The following CCDC73 variants were observed in gnomAD, a reference collection of about 807,000 sequenced individuals.
CCDC73 encodes coiled-coil domain-containing protein 73.
Under a neutral mutation model 116.5 loss-of-function variants are expected in CCDC73, and 95 were observed. That is an observed-to-expected ratio of 0.82 (90% CI 0.69 to 0.97). The LOEUF (loss-of-function observed/expected upper bound fraction) is 0.97, where lower values mean the gene tolerates loss of function less well. Among genes scored for constraint, CCDC73 ranks in the 50% least tolerant of loss-of-function variants. CCDC73 has a pLI of 0.00. For missense variants in CCDC73, 1,066 were observed against 1,206.8 expected, an observed-to-expected ratio of 0.88 and a Z score of 1.73; for synonymous variants, 398 against 401.3, an observed-to-expected ratio of 0.99 and a Z score of 0.10.
chr11:32,685,796 A>G (rs1339819346), intron 6 of CCDC73, among the ~76,000 whole-genome samples: 1 of 137,224 alleles, frequency 7.3e-6, no homozygotes, highest in East Asian at 2.1e-4. Context: ...ATCTCAGCTC[A>G]CTGCAACCTC....
intron 9 of CCDC73, among the ~76,000 whole-genome samples, chr11:32,657,536 C>T (rs1431295438): frequency 6.6e-6 from 1 of 152,158 alleles, no homozygotes; most frequent in Non-Finnish European, 1.5e-5. Flanking sequence ...ACTTCCCACC[C>T]TTTCTCCACA....
intron 12 of CCDC73, among the ~76,000 whole-genome samples, chr11:32,651,047 T>C (rs1855821729): frequency 6.6e-6 from 1 of 152,158 alleles, no homozygotes; most frequent in African/African-American, 2.4e-5. Flanking sequence ...ATAAGGTGCC[T>C]AAGGGCCTCA....
chr11:32,695,531 C>G (rs1856302582), intron 6 of CCDC73, among the ~76,000 whole-genome samples: 1 of 152,110 alleles, frequency 6.6e-6, no homozygotes, highest in South Asian at 2.1e-4. Context: ...TTTGCAGTTT[C>G]ACTTGTGGTA....
At chr11:32,609,296 C>A (rs547003374) in intron 17 of CCDC73, among the ~76,000 whole-genome samples, 28 of 152,190 alleles carry the variant, frequency 1.8e-4, no homozygotes, top group Non-Finnish European at 3.8e-4. Flanking sequence ...TTAGAAATTT[C>A]TTCTGCCAGA....
At chr11:32,655,069 A>G in intron 9 of CCDC73, 97 bp from the exon 10 acceptor site, 1 of 232,344 alleles carries the variant, frequency 4.3e-6, no homozygotes, top group Non-Finnish European at 6.4e-6. Context: ...TTAAGCCTAT[A>G]ATTATAATTT....
the CCDC73 span, chr11:32,830,373 G>A: frequency 1.1e-6 from 1 of 889,980 alleles, no homozygotes; most frequent in South Asian, 3.1e-5. Flanking sequence ...GTCGGGTTCC[G>A]GCGACCGAAA....
chr11:32,759,769 CA>C (rs1286750974), intron 2 of CCDC73, among the ~76,000 whole-genome samples: 1 of 152,154 alleles, frequency 6.6e-6, no homozygotes, highest in Non-Finnish European at 1.5e-5. Context: ...ATAACCTTAA[CA>C]AAAATGTAAT....
At chr11:32,621,739 G>T (rs1252830247) in intron 14 of CCDC73, among the ~76,000 whole-genome samples, 1 of 151,000 alleles carries the variant, frequency 6.6e-6, no homozygotes, top group Non-Finnish European at 1.5e-5. Flanking sequence ...TACGGAATGG[G>T]AGAAAATTTT....
At chr11:32,802,882 A>T in the CCDC73 span, among the ~76,000 whole-genome samples, 1 of 149,856 alleles carries the variant, frequency 6.7e-6, no homozygotes, top group Non-Finnish European at 1.5e-5. Context: ...CCTCCCACGT[A>T]GCTGAGACCA....
intron 1 of CCDC73, among the ~76,000 whole-genome samples, chr11:32,789,608 C>G (rs954180222): frequency 1.5e-5 from 2 of 137,526 alleles, no homozygotes; most frequent in East Asian, 1.1e-3. Context: ...CACATCTCTA[C>G]AAAAAAACAA....
intron 9 of CCDC73, among the ~76,000 whole-genome samples, chr11:32,666,710 G>A (rs187939831): frequency 2.4e-4 from 37 of 152,340 alleles, no homozygotes; most frequent in African/African-American, 7.7e-4. Flanking sequence ...GAGGAGCTGC[G>A]TTCCTTTGGA....
chr11:32,776,003 T>C (rs1243991495), intron 1 of CCDC73, among the ~76,000 whole-genome samples: 1 of 152,214 alleles, frequency 6.6e-6, no homozygotes, highest in African/African-American at 2.4e-5. Context: ...TAATCTCCAA[T>C]GAACATTCAC....
At chr11:32,611,967 A>C (rs1367375161) in intron 16 of CCDC73, among the ~76,000 whole-genome samples, 1 of 152,326 alleles carries the variant, frequency 6.6e-6, no homozygotes, top group Non-Finnish European at 1.5e-5. Context: ...TTAAAAGTTA[A>C]TGGAATCTTA....
intron 14 of CCDC73, among the ~76,000 whole-genome samples, chr11:32,633,292 A>G (rs1855648695): frequency 6.6e-6 from 1 of 151,756 alleles, no homozygotes; most frequent in African/African-American, 2.4e-5. Context: ...GAAGATACAA[A>G]TTACAAATAT....
intron 14 of CCDC73, among the ~76,000 whole-genome samples, chr11:32,627,187 G>C (rs915336310): frequency 4.6e-5 from 7 of 152,206 alleles, no homozygotes; most frequent in African/African-American, 1.7e-4. Context: ...CTCAAAAGAA[G>C]ATATTTATTC....
intron 3 of CCDC73, among the ~76,000 whole-genome samples, chr11:32,705,272 C>T (rs1849845876): frequency 6.6e-6 from 1 of 152,192 alleles, no homozygotes; most frequent in Admixed American, 6.5e-5. Context: ...GAGCTGGAGC[C>T]CTTCTGCAAG....
chr11:32,830,450 ACT>A, the CCDC73 span: 1 of 1,256,364 alleles, frequency 8.0e-7, no homozygotes, highest in Non-Finnish European at 1.1e-6. Flanking sequence ...TTCGACAGAA[ACT>A]CAAAGTGCTG....
intron 17 of CCDC73, among the ~76,000 whole-genome samples, chr11:32,607,420 G>A (rs1308168817): frequency 1.3e-5 from 2 of 152,174 alleles, no homozygotes; most frequent in African/African-American, 4.8e-5. Context: ...AGCAACATTA[G>A]TTGCAGATAG....
chr11:32,622,723 C>CG (rs1855534105), intron 14 of CCDC73, among the ~76,000 whole-genome samples: 5 of 50,838 alleles, frequency 9.8e-5, no homozygotes, highest in Non-Finnish European at 1.5e-4. Context: ...CTCACTTGGG[C>CG]GGGGTGGGGG....
Sources: gnomAD v4.1 joint callset for allele counts (sites outside exome capture counted in the v4.1 genomes callset) on GRCh38, gnomAD v4.1.1 for gene constraint, MANE v1.5 for transcripts, NCBI Gene and HGNC (gene_info 2026-07-23, HGNC 2026-07-21) for gene names.